The following ZPR1 variants were observed in gnomAD, a reference collection of about 807,000 sequenced individuals.
ZPR1 encodes the protein zinc finger protein ZPR1.
ZPR1 carries 37 observed loss-of-function variants against 59.6 expected under a neutral mutation model. That is an observed-to-expected ratio of 0.62 (90% confidence interval 0.48 to 0.82). The LOEUF is 0.82. Ranked by LOEUF, ZPR1 falls within the 40% of genes least tolerant of loss-of-function variation. ZPR1 has a pLI of 0.00. For synonymous variants in ZPR1, 191 were observed against 215.2 expected (o/e 0.89, Z 0.99); for missense variants, 527 against 579.9 (o/e 0.91, Z 0.94).
Position 116,777,199 on chromosome 11 carries a change from CGAG to C in ZPR1, c.*1723_*1725del, listed in dbSNP as rs1424299693. 1.3e-5 allele frequency: 2 copies of C among 152,058 alleles called. No individual in the cohort carries two copies. The highest frequency in any genetic ancestry group is 2.4e-5 in the African/African-American group (1 of 41,376). 9.4% of individuals were successfully genotyped at this position (152,058 alleles called of 1,614,324 possible). ...AGGGAAAACCAAGGGTACAGTATCT[CGAG>C]AGCCAAAAGAAGGGTTAAGAAGAGA... On this transcript the variant is annotated 3_prime_UTR_variant, in exon 14 of 14. Transcript: ENST00000227322.
chr11:116,775,525 G>A lies in ZPR1; in HGVS notation c.*3400C>T, dbSNP rs1940710744. The A allele has an allele frequency of 6.5e-6, 1 of 154,700 alleles. No individual in the cohort carries two copies. Among genetic ancestry groups the A allele is most frequent in the African/African-American group, 2.5e-5 (1 of 40,164 alleles). The allele number at this position is 154,700 out of a possible 1,614,324, so 9.6% of individuals were successfully genotyped here. A position where few individuals can be genotyped will look rare whatever the true frequency, so the allele number is the denominator to read the frequency against. On this transcript the variant is annotated 3_prime_UTR_variant, in exon 14 of 14. Coordinates refer to ENST00000227322, the MANE Select transcript of ZPR1 (RefSeq NM_003904.5). ...CACCTGTAGTCCCAGCTACTCAGAA[G>A]GCTGAGGCAAGAGAATCGCTTGAAC...
At position 116,787,596 on chromosome 11, in the gene ZPR1, T is replaced by C; in HGVS notation, c.219A>G (p.Ile73Met). 2 of 1,614,104 alleles carry C rather than the reference T, an allele frequency of 1.2e-6. No homozygotes were observed. The highest frequency in any genetic ancestry group is 1.7e-6 in the Non-Finnish European group (2 of 1,179,960). ...LLTKIPFFRE[I>M]IVSSFSCEHC... ...GCTCGCAGGAAAAGGAGCTCACTAT[T>C]ATTTCTCTGAAGAAGGGAATCTTGG... The change falls in exon 2 of 14, where the codon ATA becomes ATG. Residue 73 changes from isoleucine (I) to methionine (M), a missense_variant. Transcript: ENST00000227322.
chr11:116,787,924 C>T lies in ZPR1; in HGVS notation c.67G>A (p.Ala23Thr). The stretch of plus-strand genomic sequence containing the variant: ...AGGTGATCAGGGGCAGGCGGCGGGG[C>T]CGGGGCGGGCGACGGGGCGACGGCA... The part of the protein sequence containing the change: ...GAAVAPSPAP[A>T]PPPAPDHLFR... Residue 23 changes from alanine to threonine, a missense_variant, in exon 1 of 14, where the codon GCC becomes ACC. Coordinates refer to ENST00000227322, the MANE Select transcript of ZPR1 (RefSeq NM_003904.5). 6.7e-7 allele frequency: 1 copy of T among 1,495,244 alleles called. No homozygotes were observed. The highest frequency in any genetic ancestry group is 2.7e-5 in the East Asian group (1 of 37,384). The allele number at this position is 1,495,244 out of a possible 1,614,324, so 92.6% of individuals were successfully genotyped here. A position where few individuals can be genotyped will look rare whatever the true frequency, so the allele number is the denominator to read the frequency against.
In ZPR1 at chr11:116,787,618, T is replaced by C. The variant is rs768246393; in HGVS notation, c.197A>G (p.Lys66Arg). 5.6e-6 allele frequency: 9 copies of C among 1,612,742 alleles called. No individual in the cohort carries two copies. The highest frequency in any genetic ancestry group is 1.7e-4 in the Middle Eastern group (1 of 6,058). Residue 66 changes from lysine (K) to arginine (R), a missense_variant, in exon 2 of 14, where the codon AAG becomes AGG. Transcript: ENST00000227322. The part of the protein sequence containing the change: ...CNGMTRLLLT[K>R]IPFFREIIVS... The stretch of plus-strand genomic sequence containing the variant: ...TATTATTTCTCTGAAGAAGGGAATC[T>C]TGGTGAGCAGGAGGCGCGTCATGCC...
At chr11:116,782,886 A>C (rs769202505) in intron 11 of ZPR1, 33 bp downstream of exon 11, 2 of 1,571,558 alleles carry the variant, frequency 1.3e-6, no homozygotes, top group South Asian at 2.2e-5. Flanking sequence ...CAAATTGCTC[A>C]AAGGTGGTTT....
chr11:116,781,066 G>C (rs962360371), intron 12 of ZPR1, among the ~76,000 whole-genome samples: 2 of 152,004 alleles, frequency 1.3e-5, no homozygotes, highest in Admixed American at 1.3e-4. Context: ...AACCTCAATT[G>C]AAGGGTTGGA....
At chr11:116,783,458 C>G in intron 10 of ZPR1, 72 bp downstream of exon 10, 1 of 1,346,674 alleles carries the variant, frequency 7.4e-7, no homozygotes, top group East Asian at 2.3e-5. Flanking sequence ...TTCTAAAAGA[C>G]AACTTCCCCT....
intron 12 of ZPR1, among the ~76,000 whole-genome samples, chr11:116,781,742 G>T (rs938973949): frequency 6.6e-6 from 1 of 152,210 alleles, no homozygotes; most frequent in Non-Finnish European, 1.5e-5. Context: ...GCCAGGTGCG[G>T]TGGCTCACGC....
rs199967047 is a variant in ZPR1 at position 116,787,674 on chromosome 11, A to T, written c.172-31T>A. Reference sequence around the variant, plus strand: ...GAAGTAGAAAGTAGCTAAGGAAAAAAATCAATGAAACTCCCTTTCCCCGCC... The same window carrying T: ...GAAGTAGAAAGTAGCTAAGGAAAAATATCAATGAAACTCCCTTTCCCCGCC... On this transcript the variant is annotated intron_variant, in intron 1 of 13. Transcript: ENST00000227322. The T allele has an allele frequency of 5.4e-5, 86 of 1,597,128 alleles. No individual in the cohort carries two copies. The Admixed American group carries it at 8.8e-4, about 16-fold the overall frequency.
chr11:116,785,391 A>G (rs140051236), intron 6 of ZPR1, 123 bp downstream of exon 6: 4 of 1,420,870 alleles, frequency 2.8e-6, no homozygotes, highest in Admixed American at 2.2e-5. Flanking sequence ...CAAGATGAGA[A>G]GCACAAACAA....
Position 116,774,495 on chromosome 11 carries a change from C to T in ZPR1, c.*4430G>A, listed in dbSNP as rs1197360233. The T allele has an allele frequency of 6.6e-6, 1 of 152,030 alleles. No individual in the cohort carries two copies. Among genetic ancestry groups the T allele is most frequent in the African/African-American group, 2.4e-5 (1 of 41,384 alleles). The allele number at this position is 152,030 out of a possible 1,614,324, so 9.4% of individuals were successfully genotyped here. ...TTTTTTAATATATTAGTCAAGCAGA[C>T]AGGGCTATACTTTATAAATAAATAC... On this transcript the variant is annotated 3_prime_UTR_variant, in exon 14 of 14. Coordinates refer to ENST00000227322, the MANE Select transcript of ZPR1 (RefSeq NM_003904.5).
intron 12 of ZPR1, among the ~76,000 whole-genome samples, chr11:116,781,308 C>T (rs1940801940): frequency 6.6e-6 from 1 of 152,060 alleles, no homozygotes; most frequent in African/African-American, 2.4e-5. Flanking sequence ...TGAAAAAATA[C>T]ATCTACCAAG....
intron 2 of ZPR1, 112 bp downstream of exon 2, chr11:116,787,370 C>A: frequency 8.8e-7 from 1 of 1,140,598 alleles, no homozygotes; most frequent in African/African-American, 1.6e-5. Flanking sequence ...GAAACTAAGG[C>A]TAGGAGACAT....
chr11:116,783,908 A>G (rs1229778849), intron 9 of ZPR1, among the ~76,000 whole-genome samples: 1 of 151,824 alleles, frequency 6.6e-6, no homozygotes, highest in Admixed American at 6.6e-5. Context: ...GAGACTTTTA[A>G]GCATTTATTG....
intron 2 of ZPR1, 138 bp downstream of exon 2, chr11:116,787,344 G>C: frequency 5.5e-6 from 5 of 904,820 alleles, no homozygotes; most frequent in Non-Finnish European, 8.3e-6. Context: ...GACAACACCA[G>C]TACCATTTTA....
At chr11:116,785,935 G>T in intron 4 of ZPR1, 53 bp from the exon 5 acceptor site, 1 of 1,504,248 alleles carries the variant, frequency 6.6e-7, no homozygotes, top group Non-Finnish European at 9.3e-7. Flanking sequence ...CTTATGCCCT[G>T]CCCCTTGTCA....
intron 12 of ZPR1, among the ~76,000 whole-genome samples, 183 bp from the exon 13 acceptor site, chr11:116,780,020 T>C (rs1485776950): frequency 2.6e-5 from 4 of 151,526 alleles, no homozygotes; most frequent in African/African-American, 9.7e-5. Context: ...GTTGTGCACA[T>C]GTACCCTAGA....
At chr11:116,779,093 G>A (rs1366469873) in intron 13 of ZPR1, 34 bp from the exon 14 acceptor site, 7 of 1,609,946 alleles carry the variant, frequency 4.3e-6, no homozygotes, top group Non-Finnish European at 5.9e-6. Context: ...CAGTGCCGCT[G>A]TGCCACTCCC....
Position 116,785,852 on chromosome 11 carries a change from C to T in ZPR1, c.526G>A (p.Asp176Asn). The T allele has an allele frequency of 6.2e-7, 1 of 1,614,192 alleles. No individual in the cohort carries two copies. Among genetic ancestry groups the T allele is most frequent in the South Asian group, 1.1e-5 (1 of 91,060 alleles). The change falls in exon 5 of 14, where the codon GAT becomes AAT. Residue 176 changes from aspartate (D) to asparagine (N), a missense_variant. Transcript: ENST00000227322. ...TCCTTCAGTTTGACAATGAACTCAT[C>T]AATTCTTTCAGCTGTAGCATCTTTG... ...ANKDATAERIDEFIVKLKELK... is the reference protein window; with the variant it reads ...ANKDATAERINEFIVKLKELK...
Sources: allele counts gnomAD v4.1 joint callset (sites outside exome capture counted in the v4.1 genomes callset), GRCh38; gene constraint gnomAD v4.1.1; transcripts MANE v1.5; gene names NCBI Gene and HGNC (gene_info 2026-07-23, HGNC 2026-07-21).